The following KCNG3 variants were observed in gnomAD, a reference collection of about 807,000 sequenced individuals.
The protein encoded by KCNG3 is potassium voltage-gated channel modifier subfamily G member 3, also known as voltage-gated potassium channel regulatory subunit KCNG3.
Under a neutral mutation model 29.0 loss-of-function variants are expected in KCNG3, and 15 were observed. The ratio of observed to expected loss-of-function variants is 0.52; its 90% CI spans 0.35 to 0.80. The LOEUF (loss-of-function observed/expected upper bound fraction) is 0.80. Ranked by LOEUF, KCNG3 falls within the 30% of genes least tolerant of loss-of-function variation. The pLI, the probability that KCNG3 is intolerant of heterozygous loss-of-function variation, is 0.01. For synonymous variants in KCNG3, 322 were observed against 248.9 expected (o/e 1.29, Z -2.76); for missense variants, 512 against 605.7 (o/e 0.85, Z 1.62).
chr2:42,466,298 C>A (rs963313876), intron 1 of KCNG3, among the ~76,000 whole-genome samples: 2 of 152,024 alleles, frequency 1.3e-5, no homozygotes, highest in African/African-American at 4.8e-5. Context: ...CCTAGCTACT[C>A]GGGAGGCTGA....
chr2:42,402,871 T>C, the KCNG3 span, among the ~76,000 whole-genome samples: 2 of 152,342 alleles, frequency 1.3e-5, no homozygotes, highest in South Asian at 4.1e-4. Context: ...GTCACAGCTG[T>C]TCATCTTCTA....
chr2:42,408,203 G>T, the KCNG3 span, among the ~76,000 whole-genome samples: 1 of 152,210 alleles, frequency 6.6e-6, no homozygotes, highest in Non-Finnish European at 1.5e-5. Context: ...TGGGCGCCAT[G>T]AACAGCAGCG....
downstream of KCNG3, among the ~76,000 whole-genome samples, chr2:42,441,316 A>G (rs1466027031): frequency 6.6e-6 from 1 of 152,156 alleles, no homozygotes; most frequent in Non-Finnish European, 1.5e-5. Context: ...TGAGCCCAGG[A>G]GTTCAAAACT....
At chr2:42,425,235 TAA>T in the KCNG3 span, 15 of 130,020 alleles carry the variant, frequency 1.2e-4, no homozygotes, top group Non-Finnish European at 1.8e-4. Flanking sequence ...CCGACTCTAC[TAA>T]AAAAAAAAAA....
chr2:42,488,208 T>C (rs1158807752), intron 1 of KCNG3, among the ~76,000 whole-genome samples: 1 of 152,192 alleles, frequency 6.6e-6, no homozygotes, highest in Non-Finnish European at 1.5e-5. Context: ...AAAAGGATTA[T>C]CCTCATACAT....
intron 1 of KCNG3, among the ~76,000 whole-genome samples, chr2:42,479,658 AAAG>A (rs1419482711): frequency 2.6e-5 from 4 of 151,710 alleles, no homozygotes; most frequent in African/African-American, 9.7e-5. Flanking sequence ...AAAAAAAAAA[AAAG>A]AAAGAAAAAT....
At chr2:42,434,661 C>T in the KCNG3 span, among the ~76,000 whole-genome samples, 17,429 of 90,258 alleles carry the variant, frequency 0.19, 1,695 homozygotes, top group African/African-American at 0.31. Context: ...AGTGAAACTC[C>T]ATCTCAAAAA....
intron 1 of KCNG3, among the ~76,000 whole-genome samples, chr2:42,486,568 G>A (rs1415042711): frequency 6.6e-6 from 1 of 152,186 alleles, no homozygotes; most frequent in Non-Finnish European, 1.5e-5. Flanking sequence ...ATCTACCCTT[G>A]GACAAAACTA....
At chr2:42,418,458 C>G in the KCNG3 span, among the ~76,000 whole-genome samples, 1 of 152,124 alleles carries the variant, frequency 6.6e-6, no homozygotes, top group Non-Finnish European at 1.5e-5. Flanking sequence ...TAAACCACAA[C>G]CAGTGGATGC....
At chr2:42,413,080 A>T in the KCNG3 span, among the ~76,000 whole-genome samples, 14 of 152,200 alleles carry the variant, frequency 9.2e-5, no homozygotes, top group African/African-American at 3.1e-4. Context: ...ACTCCTGCAT[A>T]GTTTACAGTG....
downstream of KCNG3, among the ~76,000 whole-genome samples, chr2:42,438,347 C>G (rs1258261650): frequency 6.6e-6 from 1 of 152,074 alleles, no homozygotes; most frequent in Non-Finnish European, 1.5e-5. Flanking sequence ...AATAGTGATC[C>G]TATCTAATAT....
At chr2:42,460,389 A>G (rs77912858) in intron 1 of KCNG3, among the ~76,000 whole-genome samples, 3,506 of 152,256 alleles carry the variant, frequency 0.023, 55 homozygotes, top group South Asian at 0.033. Context: ...TAATTAAATC[A>G]TTTCAAAATA....
intron 1 of KCNG3, among the ~76,000 whole-genome samples, chr2:42,478,923 T>C (rs977117442): frequency 2.0e-5 from 3 of 151,984 alleles, no homozygotes; most frequent in Admixed American, 6.6e-5. Flanking sequence ...TCTCTTCTAA[T>C]ATGGTTGGGA....
the KCNG3 span, among the ~76,000 whole-genome samples, chr2:42,410,729 T>A: frequency 6.6e-6 from 1 of 152,148 alleles, no homozygotes; most frequent in African/African-American, 2.4e-5. Context: ...TTATATAAAT[T>A]AGGGGGCCTG....
chr2:42,419,837 A>G, the KCNG3 span, among the ~76,000 whole-genome samples: 1 of 152,224 alleles, frequency 6.6e-6, no homozygotes, highest in African/African-American at 2.4e-5. Context: ...CGCAGAACTG[A>G]TTTCAAGGCC....
chr2:42,451,049 A>G (rs1259503101), intron 1 of KCNG3, among the ~76,000 whole-genome samples: 1 of 151,448 alleles, frequency 6.6e-6, no homozygotes, highest in African/African-American at 2.4e-5. Flanking sequence ...TCCCAAAAAT[A>G]CAAAAATTAG....
At chr2:42,477,606 T>C (rs1290875215) in intron 1 of KCNG3, among the ~76,000 whole-genome samples, 1 of 151,636 alleles carries the variant, frequency 6.6e-6, no homozygotes, top group Non-Finnish European at 1.5e-5. Flanking sequence ...GGGTCGGACA[T>C]GGTGGCTCAG....
At chr2:42,409,697 C>T in the KCNG3 span, among the ~76,000 whole-genome samples, 5 of 38,494 alleles carry the variant, frequency 1.3e-4, no homozygotes, top group South Asian at 4.2e-3. Context: ...GAGTGCCTGT[C>T]TCAAAAAAAA....
At chr2:42,395,894 G>A in the KCNG3 span, among the ~76,000 whole-genome samples, 2 of 152,076 alleles carry the variant, frequency 1.3e-5, no homozygotes, top group Non-Finnish European at 2.9e-5. Flanking sequence ...AGGCTGAAGT[G>A]AGCTGTGATC....
Sources: gnomAD v4.1 joint callset for allele counts (sites outside exome capture counted in the v4.1 genomes callset) on GRCh38, gnomAD v4.1.1 for gene constraint, MANE v1.5 for transcripts, NCBI Gene and HGNC (gene_info 2026-07-23, HGNC 2026-07-21) for gene names.